CNGA1: variants seen among roughly 807,000 people sequenced by gnomAD.
CNGA1 encodes cyclic nucleotide-gated channel alpha-1.
A neutral mutation model predicts 69.7 loss-of-function variants in CNGA1; 53 were observed. That is an observed-to-expected ratio of 0.76 (90% CI 0.61 to 0.96). The LOEUF (loss-of-function observed/expected upper bound fraction) is 0.96. Among genes scored for constraint, CNGA1 ranks in the 40% least tolerant of loss-of-function variants. CNGA1 has a pLI of 0.00. For synonymous variants in CNGA1, 249 were observed against 283.5 expected (o/e 0.88, Z 1.22); for missense variants, 739 against 811.2 (o/e 0.91, Z 1.08).
chr4:47,940,423 C>T (rs552237927), intron 10 of CNGA1, among the ~76,000 whole-genome samples: 5 of 152,292 alleles, frequency 3.3e-5, no homozygotes, highest in South Asian at 2.1e-4. Context: ...TTTTTCCCCA[C>T]GACTCTTTAC....
chr4:47,967,854 T>C (rs1001073036), intron 3 of CNGA1, among the ~76,000 whole-genome samples: 1 of 152,018 alleles, frequency 6.6e-6, no homozygotes, highest in African/African-American at 2.4e-5. Flanking sequence ...GGTGGGTGCC[T>C]GTGGTCCCAG....
chr4:47,990,479 C>T (rs533083579), intron 2 of CNGA1, among the ~76,000 whole-genome samples: 6 of 152,180 alleles, frequency 3.9e-5, no homozygotes, highest in African/African-American at 7.2e-5. Flanking sequence ...GCTTTCGAAC[C>T]CTGTTTCCTG....
Position 47,937,788 on chromosome 4 carries a change from G to GT in CNGA1, c.693dup (p.Leu232ThrfsTer4). ...AAGTTGGATTTATATTTATTTATGA[G>GT]TTTAAGTTCTTCCTTTACCAGCAGT... On this transcript the variant is annotated frameshift_variant, in exon 11 of 11. Coordinates refer to ENST00000514170, the MANE Select transcript of CNGA1 (RefSeq NM_001379270.1). LOFTEE classifies it high-confidence loss of function. 1.9e-6 allele frequency: 3 copies of GT among 1,613,180 alleles called. No homozygotes were observed. Among genetic ancestry groups the GT allele is most frequent in the Non-Finnish European group, 2.5e-6 (3 of 1,179,384 alleles).
At chr4:47,957,148 C>A (rs1740138781) in intron 3 of CNGA1, among the ~76,000 whole-genome samples, 1 of 151,976 alleles carries the variant, frequency 6.6e-6, no homozygotes, top group African/African-American at 2.4e-5. Flanking sequence ...GTTGGCCAGG[C>A]TGGTCTCGAA....
Position 47,980,815 on chromosome 4 carries a change from G to T in CNGA1, c.-15+578C>A, listed in dbSNP as rs189605304. Reference sequence around the variant, plus strand: ...GATTAAAATATACACGCTTATCACAGTTATTTAAAAGAAGGCAAGGTGATT... The same window carrying T: ...GATTAAAATATACACGCTTATCACATTTATTTAAAAGAAGGCAAGGTGATT... On this transcript the variant is annotated intron_variant, in intron 3 of 10. Transcript: ENST00000514170. Among the ~76,000 whole-genome samples, 6 of 151,812 alleles carry T rather than the reference G, an allele frequency of 4.0e-5. No homozygotes were observed. In the East Asian group the frequency reaches 1.2e-3, roughly 30 times the overall value.
rs114142878 is a variant in CNGA1 at position 47,979,646 on chromosome 4, T to C, written c.-15+1747A>G. The stretch of plus-strand genomic sequence containing the variant: ...TGAATAAATTAATAAGTAAAAAATA[T>C]TTAGGATGCAGTAGCTTTTTTGGAG... On this transcript the variant is annotated intron_variant, in intron 3 of 10. Coordinates refer to ENST00000514170, the MANE Select transcript of CNGA1 (RefSeq NM_001379270.1). Among the ~76,000 whole-genome samples the C allele has an allele frequency of 1.9e-3, 291 of 152,284 alleles. 1 individual carries two copies. The highest frequency in any genetic ancestry group is 6.5e-3 in the African/African-American group (272 of 41,554).
At chr4:47,971,485 TATATC>T (rs1445910952) in intron 3 of CNGA1, among the ~76,000 whole-genome samples, 1 of 152,170 alleles carries the variant, frequency 6.6e-6, no homozygotes. Flanking sequence ...AAATATGAAT[TATATC>T]ATTCATATTT....
rs769198976 is a variant in CNGA1, at chr4:47,951,384, T to C, written c.193A>G (p.Lys65Glu). The change falls in exon 5 of 11, where the codon AAG becomes GAG. Residue 65 changes from lysine (K) to glutamate (E), a missense_variant. Coordinates refer to ENST00000514170, the MANE Select transcript of CNGA1 (RefSeq NM_001379270.1). ...GATGGTCCTCCCTTTCTGAGTGACT[T>C]ATAACTAAAGGAACCCCTTGCATGA... ...NPHARGSFSY[K>E]SLRKGGPSQR... 3.1e-6 allele frequency: 5 copies of C among 1,612,996 alleles called. No homozygotes were observed. In the East Asian group the frequency reaches 1.1e-4, roughly 36 times the overall value.
At chr4:48,011,618 C>T (rs773245607) in intron 1 of CNGA1, among the ~76,000 whole-genome samples, 37 of 152,138 alleles carry the variant, frequency 2.4e-4, no homozygotes, top group East Asian at 1.2e-3. Context: ...GTCCTGAGAA[C>T]GTGTGCCCAA....
chr4:48,000,308 C>T (rs1714609935), intron 2 of CNGA1, among the ~76,000 whole-genome samples: 1 of 151,478 alleles, frequency 6.6e-6, no homozygotes, highest in Admixed American at 6.6e-5. Flanking sequence ...TCAATGAACC[C>T]CAAGCAGAAT....
At chr4:47,970,834 A>G (rs1578097993) in intron 3 of CNGA1, 4 of 84,800 alleles carry the variant, frequency 4.7e-5, no homozygotes, top group South Asian at 9.7e-5. Flanking sequence ...TTTTGGAAGG[A>G]AAAAAAAGGT....
At chr4:48,007,288 CA>C (rs1487106124) in intron 2 of CNGA1, among the ~76,000 whole-genome samples, 1 of 152,174 alleles carries the variant, frequency 6.6e-6, no homozygotes, top group Non-Finnish European at 1.5e-5. Context: ...TAATCTGACA[CA>C]GCGGTCCATA....
intron 3 of CNGA1, among the ~76,000 whole-genome samples, chr4:47,957,892 ATTTT>A (rs544231975): frequency 4.7e-4 from 57 of 121,224 alleles, no homozygotes; most frequent in African/African-American, 1.1e-3. Context: ...TGTGTTTGTA[ATTTT>A]TTTTTTTTTT....
chr4:47,944,379 C>A (rs922624288), intron 6 of CNGA1, among the ~76,000 whole-genome samples: 1 of 152,102 alleles, frequency 6.6e-6, no homozygotes, highest in African/African-American at 2.4e-5. Context: ...CAAACAGGGA[C>A]AGAACAATAA....
chr4:47,941,099 C>T (rs989045478), intron 9 of CNGA1, among the ~76,000 whole-genome samples: 1 of 152,106 alleles, frequency 6.6e-6, no homozygotes, highest in Non-Finnish European at 1.5e-5. Flanking sequence ...TACTAGTCAG[C>T]TTAGTAAAAA....
At chr4:47,994,436 CTT>C (rs1328862998) in intron 2 of CNGA1, among the ~76,000 whole-genome samples, 2 of 152,114 alleles carry the variant, frequency 1.3e-5, no homozygotes, top group African/African-American at 4.8e-5. Context: ...TAATGTTCCT[CTT>C]TGTCTTTTTA....
intron 3 of CNGA1, among the ~76,000 whole-genome samples, chr4:47,960,715 T>TA (rs199999358): frequency 6.7e-4 from 70 of 104,962 alleles, no homozygotes; most frequent in African/African-American, 1.9e-3. Flanking sequence ...CAATCTGGTT[T>TA]AAAAAAAAAT....
intron 3 of CNGA1, chr4:47,971,012 T>A (rs1740985986): frequency 8.8e-6 from 4 of 453,532 alleles, no homozygotes; most frequent in Non-Finnish European, 1.8e-5. Context: ...AAAAATTAGC[T>A]GGAAATCGCT....
At chr4:48,014,029 T>C (rs1560318728) in intron 1 of CNGA1, among the ~76,000 whole-genome samples, 1 of 152,204 alleles carries the variant, frequency 6.6e-6, no homozygotes. Context: ...ATTTTGACCA[T>C]CACCCCTGGG....
Sources: gnomAD v4.1 joint callset for allele counts (sites outside exome capture counted in the v4.1 genomes callset) on GRCh38, gnomAD v4.1.1 for gene constraint, MANE v1.5 for transcripts, NCBI Gene and HGNC (gene_info 2026-07-23, HGNC 2026-07-21) for gene names.